PHLPP1: variants seen among roughly 807,000 people sequenced by gnomAD.
PHLPP1 encodes the protein PH domain leucine-rich repeat-containing protein phosphatase 1.
In PHLPP1, 42 loss-of-function variants were observed where a neutral mutation model predicts 117.2. That is an observed-to-expected ratio of 0.36 (90% CI 0.28 to 0.46). PHLPP1 has a LOEUF of 0.46. PHLPP1 is among the 20% of genes least tolerant of loss of function. The probability of loss-of-function intolerance (pLI) is 1.00; values close to 1 mark genes in which losing one functional copy is unlikely to be tolerated. For synonymous variants in PHLPP1, 1,042 were observed against 970.7 expected, an observed-to-expected ratio of 1.07 and a Z score of -1.37; for missense variants, 2,084 against 2,241.9, an observed-to-expected ratio of 0.93 and a Z score of 1.42.
chr18:62,726,596 T>C (rs1911080104), intron 1 of PHLPP1, among the ~76,000 whole-genome samples: 1 of 146,000 alleles, frequency 6.8e-6, no homozygotes, highest in African/African-American at 2.5e-5. Context: ...TTTTTTTTTT[T>C]TTTTTTTTAT....
At chr18:62,783,106 C>T (rs2144280715) in intron 1 of PHLPP1, among the ~76,000 whole-genome samples, 1 of 146,254 alleles carries the variant, frequency 6.8e-6, no homozygotes, top group South Asian at 2.1e-4. Context: ...CAATGGTACT[C>T]ATGCTAAAAC....
At chr18:62,868,291 A>G (rs770337555) in intron 4 of PHLPP1, among the ~76,000 whole-genome samples, 72 of 152,146 alleles carry the variant, frequency 4.7e-4, no homozygotes, top group Non-Finnish European at 7.8e-4. Context: ...TTTAACTTCC[A>G]TAAGCCAGTT....
intron 1 of PHLPP1, among the ~76,000 whole-genome samples, chr18:62,778,088 A>G (rs942393711): frequency 6.6e-6 from 1 of 152,114 alleles, no homozygotes; most frequent in African/African-American, 2.4e-5. Flanking sequence ...GAATTAATCA[A>G]TCCCTAACTT....
intron 1 of PHLPP1, among the ~76,000 whole-genome samples, chr18:62,814,615 C>T (rs187996697): frequency 2.0e-5 from 3 of 152,126 alleles, no homozygotes; most frequent in Non-Finnish European, 4.4e-5. Flanking sequence ...TTCACTCATT[C>T]GACCATTTTC....
intron 1 of PHLPP1, among the ~76,000 whole-genome samples, chr18:62,720,904 C>G (rs1286145105): frequency 2.0e-5 from 3 of 152,100 alleles, no homozygotes; most frequent in Admixed American, 1.3e-4. Flanking sequence ...AAGGAGGAGT[C>G]AGTGGCAATC....
At chr18:62,864,325 C>T (rs1366849832) in intron 4 of PHLPP1, among the ~76,000 whole-genome samples, 1 of 152,078 alleles carries the variant, frequency 6.6e-6, no homozygotes, top group East Asian at 1.9e-4. Flanking sequence ...CCTGGCTGCC[C>T]CTCCCTTTTA....
intron 1 of PHLPP1, among the ~76,000 whole-genome samples, chr18:62,790,432 A>C (rs529864150): frequency 3.8e-4 from 58 of 152,352 alleles, no homozygotes; most frequent in Non-Finnish European, 7.4e-4. Context: ...AAGAAAAGGT[A>C]CTTGCTATTT....
chr18:62,765,769 G>A (rs560392999), intron 1 of PHLPP1, among the ~76,000 whole-genome samples: 1 of 152,158 alleles, frequency 6.6e-6, no homozygotes, highest in African/African-American at 2.4e-5. Context: ...GCCAAGGCGG[G>A]TGGATCACGA....
chr18:62,883,722 A>G (rs1039844106), intron 4 of PHLPP1, among the ~76,000 whole-genome samples: 6 of 152,100 alleles, frequency 3.9e-5, no homozygotes, highest in African/African-American at 1.4e-4. Context: ...CTTGAGGACA[A>G]TTGTGTTTTC....
chr18:62,973,475 G>A (rs985951415), intron 15 of PHLPP1, among the ~76,000 whole-genome samples: 7 of 152,220 alleles, frequency 4.6e-5, no homozygotes, highest in African/African-American at 1.7e-4. Flanking sequence ...TGAATGTACT[G>A]GTATTTGAGG....
chr18:62,945,614 A>G (rs766558149), intron 12 of PHLPP1, among the ~76,000 whole-genome samples: 3 of 152,178 alleles, frequency 2.0e-5, no homozygotes, highest in Admixed American at 6.5e-5. Flanking sequence ...TCAAAGGCTG[A>G]CGCTGGTGTA....
intron 4 of PHLPP1, among the ~76,000 whole-genome samples, chr18:62,876,997 C>T (rs1916064524): frequency 6.6e-6 from 1 of 151,774 alleles, no homozygotes. Context: ...GTTGGGCGTG[C>T]AAGGATGTGG....
At chr18:62,750,735 G>A (rs1445069381) in intron 1 of PHLPP1, among the ~76,000 whole-genome samples, 1 of 149,640 alleles carries the variant, frequency 6.7e-6, no homozygotes, top group Admixed American at 6.6e-5. Flanking sequence ...TTTTTTACAA[G>A]CTACTGGGTT....
chr18:62,830,187 A>G lies in PHLPP1; in HGVS notation c.1729A>G (p.Ser577Gly). 1.3e-6 allele frequency: 2 copies of G among 1,579,280 alleles called. No individual in the cohort carries two copies. Among genetic ancestry groups the G allele is most frequent in the Non-Finnish European group, 1.7e-6 (2 of 1,161,886 alleles). ...TCLIVSSVKD[S>G]LTGKMHVLPL... ...CCTGATAGTATCATCTGTGAAAGAC[A>G]GCTTGACCGGAAAGATGCATGTTCT... Residue 577 changes from serine (S) to glycine (G), a missense_variant, in exon 2 of 17, where the codon AGC (serine) becomes GGC (glycine). Physicochemically the swap from Ser to Gly is moderately conservative, Grantham distance 56. Transcript: ENST00000262719.
chr18:62,963,285 A>AT, intron 13 of PHLPP1, 83 bp from the exon 14 acceptor site: 1 of 875,930 alleles, frequency 1.1e-6, no homozygotes, highest in Non-Finnish European at 1.9e-6. Flanking sequence ...TAACAGGTGT[A>AT]TTTTTTATTT....
At chr18:62,782,083 C>T (rs1913134870) in intron 1 of PHLPP1, among the ~76,000 whole-genome samples, 1 of 152,162 alleles carries the variant, frequency 6.6e-6, no homozygotes, top group Admixed American at 6.5e-5. Context: ...TGTTTTCAGC[C>T]ATACTTTTGA....
intron 4 of PHLPP1, among the ~76,000 whole-genome samples, chr18:62,863,533 T>C (rs1371142361): frequency 1.3e-5 from 2 of 152,170 alleles, no homozygotes; most frequent in Admixed American, 1.3e-4. Context: ...ATGCTAAATA[T>C]AATCAGTGGG....
At chr18:62,770,690 C>T (rs933539120) in intron 1 of PHLPP1, among the ~76,000 whole-genome samples, 1 of 151,414 alleles carries the variant, frequency 6.6e-6, no homozygotes, top group African/African-American at 2.4e-5. Context: ...TTGAATATTC[C>T]ATTTCCAAAA....
intron 2 of PHLPP1, among the ~76,000 whole-genome samples, chr18:62,833,349 C>A (rs1914804869): frequency 6.6e-6 from 1 of 152,210 alleles, no homozygotes; most frequent in Non-Finnish European, 1.5e-5. Context: ...GCTGGGATTA[C>A]AGGCGTGAGC....
Sources: allele counts gnomAD v4.1 joint callset (sites outside exome capture counted in the v4.1 genomes callset), GRCh38; gene constraint gnomAD v4.1.1; transcripts MANE v1.5; gene names NCBI Gene and HGNC (gene_info 2026-07-23, HGNC 2026-07-21).